THUMPD2: variants seen among roughly 807,000 people sequenced by gnomAD.
THUMPD2 encodes U6 snRNA (guanine-N(2))-methyltransferase THUMPD2.
Under a neutral mutation model 49.4 loss-of-function variants are expected in THUMPD2, and 56 were observed. The ratio of observed to expected loss-of-function variants is 1.13; its 90% confidence interval spans 0.91 to 1.41. THUMPD2 has a LOEUF of 1.41. Among genes scored for constraint, THUMPD2 ranks in the 40% most tolerant of loss-of-function variants. The pLI, the probability that THUMPD2 is intolerant of heterozygous loss-of-function variation, is 0.00. For synonymous variants in THUMPD2, 237 were observed against 205.2 expected (o/e 1.15, Z -1.32); for missense variants, 709 against 594.5 (o/e 1.19, Z -2.00).
At chr2:39,761,489 C>T (rs573908853) in intron 5 of THUMPD2, 71 bp from the exon 6 acceptor site, 928 of 1,367,098 alleles carry the variant, frequency 6.8e-4, no homozygotes, top group Non-Finnish European at 9.0e-4. Context: ...ATTTACCTGT[C>T]CAAATCTGAG....
chr2:39,773,641 T>C (rs1468137638), intron 1 of THUMPD2, among the ~76,000 whole-genome samples: 2 of 136,786 alleles, frequency 1.5e-5, no homozygotes. Flanking sequence ...AAAATATATA[T>C]ATTTCCCCCT....
chr2:39,750,933 G>C (rs72936102), intron 8 of THUMPD2, among the ~76,000 whole-genome samples: 4,062 of 152,192 alleles, frequency 0.027, 173 homozygotes, highest in African/African-American at 0.092. Context: ...AAACCTTATT[G>C]CTTCTGAAAG....
At chr2:39,743,846 A>T (rs1274393644) in intron 9 of THUMPD2, among the ~76,000 whole-genome samples, 1 of 152,230 alleles carries the variant, frequency 6.6e-6, no homozygotes, top group Non-Finnish European at 1.5e-5. Flanking sequence ...AGCCTCCAGT[A>T]TTCCTTCATA....
intron 1 of THUMPD2, among the ~76,000 whole-genome samples, chr2:39,776,457 G>A (rs901742398): frequency 1.3e-5 from 2 of 150,138 alleles, no homozygotes; most frequent in African/African-American, 4.9e-5. Flanking sequence ...GCAGTGGCGC[G>A]ATCTTGGCTC....
chr2:39,765,172 T>G (rs1273139830), intron 5 of THUMPD2, among the ~76,000 whole-genome samples: 1 of 152,134 alleles, frequency 6.6e-6, no homozygotes, highest in Non-Finnish European at 1.5e-5. Flanking sequence ...ATTTTTTTGT[T>G]TTTTTGAGAC....
At chr2:39,767,692 T>C (rs1236412350) in intron 4 of THUMPD2, among the ~76,000 whole-genome samples, 2 of 151,054 alleles carry the variant, frequency 1.3e-5, no homozygotes, top group East Asian at 3.9e-4. Flanking sequence ...AAACATTTAG[T>C]ATGACAAACA....
chr2:39,737,745 C>G lies in THUMPD2; in HGVS notation c.1188-686G>C, dbSNP rs185167959. The stretch of plus-strand genomic sequence containing the variant: ...GAGAGAATTTCCCAGAGGAAGATAC[C>G]TGTGCTATGAGTTAAAAGACAAGTG... On this transcript the variant is annotated intron_variant, in intron 9 of 9. Coordinates refer to ENST00000505747, the MANE Select transcript of THUMPD2 (RefSeq NM_025264.5). Among the ~76,000 whole-genome samples, 31 of 152,270 alleles carry G rather than the reference C, an allele frequency of 2.0e-4. No homozygotes were observed. In the East Asian group the frequency reaches 2.9e-3, roughly 14 times the overall value.
chr2:39,739,635 T>C (rs941732735), intron 9 of THUMPD2, among the ~76,000 whole-genome samples: 29 of 152,304 alleles, frequency 1.9e-4, no homozygotes, highest in African/African-American at 6.7e-4. Context: ...TACATGCAAG[T>C]GCATGGGAGA....
intron 3 of THUMPD2, chr2:39,769,279 A>C (rs1216727459): frequency 3.5e-6 from 1 of 289,206 alleles, no homozygotes. Context: ...ATCTGAGGAA[A>C]AATTAAAAGG....
chr2:39,745,302 A>C (rs1286795025), intron 8 of THUMPD2, among the ~76,000 whole-genome samples: 1 of 152,226 alleles, frequency 6.6e-6, no homozygotes, highest in Non-Finnish European at 1.5e-5. Context: ...ATTTAGCAAC[A>C]AAAAGTGCTT....
intron 9 of THUMPD2, among the ~76,000 whole-genome samples, chr2:39,742,038 T>C (rs958927611): frequency 6.6e-6 from 1 of 152,128 alleles, no homozygotes; most frequent in African/African-American, 2.4e-5. Flanking sequence ...TGCCATTAAG[T>C]GGGTATTAAA....
At chr2:39,749,460 C>T (rs1156754343) in intron 8 of THUMPD2, among the ~76,000 whole-genome samples, 1 of 152,134 alleles carries the variant, frequency 6.6e-6, no homozygotes, top group African/African-American at 2.4e-5. Context: ...TGAATATGAG[C>T]AAAATAAATT....
chr2:39,751,708 G>A (rs1229407868), intron 8 of THUMPD2, among the ~76,000 whole-genome samples: 14 of 120,284 alleles, frequency 1.2e-4, no homozygotes, highest in Admixed American at 6.6e-4. Context: ...TTTTTGAGAC[G>A]GAGTCTCGCC....
Position 39,771,576 on chromosome 2 carries a change from A to C in THUMPD2, c.191T>G (p.Leu64Ter). The change falls in exon 2 of 10, where the codon TTA becomes TGA. Residue 64 changes from leucine (L) to a stop codon, truncating the protein, a stop_gained. Transcript: ENST00000505747. LOFTEE classifies it high-confidence loss of function. Reference protein sequence around the residue: ...TCSDLNMLKKLKSAERLFLLI... With the variant: ...TCSDLNMLKK ...CAAAAATAATCTTTCTGCAGATTTTAATTTCTTCAACATATTCAAATCAGA... is the reference window on the plus strand; with the variant it reads ...CAAAAATAATCTTTCTGCAGATTTTCATTTCTTCAACATATTCAAATCAGA... 6.2e-7 allele frequency: 1 copy of C among 1,606,718 alleles called. No individual in the cohort carries two copies. Among genetic ancestry groups the C allele is most frequent in the Non-Finnish European group, 8.5e-7 (1 of 1,177,986 alleles).
chr2:39,769,168 A>G, intron 3 of THUMPD2: 1 of 1,109,460 alleles, frequency 9.0e-7, no homozygotes, highest in Non-Finnish European at 1.2e-6. Context: ...CTATGGTATC[A>G]GGATTTCCAA....
chr2:39,768,746 C>T lies in THUMPD2; in HGVS notation c.673-245G>A, dbSNP rs992066928. The T allele has an allele frequency of 1.8e-4, 128 of 701,606 alleles. 1 individual carries two copies. Among genetic ancestry groups the T allele is most frequent in the Non-Finnish European group, 2.6e-4 (118 of 449,530 alleles). The allele number at this position is 701,606 out of a possible 1,614,324, so 43.5% of individuals were successfully genotyped here. ...TGTCTACTCATGCATAATCTCTATC[C>T]TTGTAATTTTAGGTATATGAAATAA... is the stretch of plus-strand genomic sequence containing the variant. On this transcript the variant is annotated intron_variant, in intron 3 of 9. Transcript: ENST00000505747.
intron 8 of THUMPD2, among the ~76,000 whole-genome samples, chr2:39,745,230 G>T (rs1343158634): frequency 6.6e-6 from 1 of 152,022 alleles, no homozygotes; most frequent in Non-Finnish European, 1.5e-5. Context: ...ACCTAATTTT[G>T]CAGAAATGTA....
intron 3 of THUMPD2, 195 bp from the exon 4 acceptor site, chr2:39,768,696 C>G: frequency 1.5e-6 from 1 of 667,908 alleles, no homozygotes; most frequent in Non-Finnish European, 2.5e-6. Flanking sequence ...CCTGCCCTAG[C>G]CCCCAGTACA....
At position 39,768,699 on chromosome 2, in the gene THUMPD2, C is replaced by T; in HGVS notation, c.673-198G>A. 1.2e-5 allele frequency: 8 copies of T among 664,340 alleles called. No homozygotes were observed. In the South Asian group the frequency reaches 1.6e-4, roughly 13 times the overall value. 41.2% of individuals were successfully genotyped at this position (664,340 alleles called of 1,614,324 possible). ...GGCTGTATTTTACCTGCCCTAGCCC[C>T]CAGTACACCCCATGGCATTAATGTC... On this transcript the variant is annotated intron_variant, in intron 3 of 9. Transcript: ENST00000505747.
Sources: gnomAD v4.1 joint callset for allele counts (sites outside exome capture counted in the v4.1 genomes callset) on GRCh38, gnomAD v4.1.1 for gene constraint, MANE v1.5 for transcripts, NCBI Gene and HGNC (gene_info 2026-07-23, HGNC 2026-07-21) for gene names.